ADGRL2: variants seen among roughly 807,000 people sequenced by gnomAD.
The protein encoded by ADGRL2 is calcium-independent alpha-latrotoxin receptor 2.
Under a neutral mutation model 157.4 loss-of-function variants are expected in ADGRL2, and 44 were observed. The ratio of observed to expected loss-of-function variants is 0.28; its 90% CI spans 0.22 to 0.36. The LOEUF is 0.36. Among genes scored for constraint, ADGRL2 ranks in the 10% least tolerant of loss-of-function variants. ADGRL2 has a pLI of 1.00. For missense variants in ADGRL2, 1,510 were observed against 1,768.9 expected, an observed-to-expected ratio of 0.85 and a Z score of 2.63; for synonymous variants, 585 against 624.7, an observed-to-expected ratio of 0.94 and a Z score of 0.95.
chr1:81,719,885 T>C (rs2084240895), intron 1 of ADGRL2, among the ~76,000 whole-genome samples: 2 of 152,158 alleles, frequency 1.3e-5, no homozygotes, highest in Admixed American at 6.5e-5. Flanking sequence ...CTCTACCTGG[T>C]AGTCTATTTT....
intron 2 of ADGRL2, among the ~76,000 whole-genome samples, chr1:81,848,356 G>A (rs575621688): frequency 2.6e-5 from 4 of 151,796 alleles, no homozygotes; most frequent in Non-Finnish European, 5.9e-5. Flanking sequence ...TTGAATCACA[G>A]CTTGGATATT....
chr1:81,793,742 A>G (rs1007216211), intron 2 of ADGRL2, among the ~76,000 whole-genome samples: 4 of 152,076 alleles, frequency 2.6e-5, no homozygotes, highest in African/African-American at 7.2e-5. Context: ...TCAAATCTAC[A>G]CCTGCATAAA....
intron 1 of ADGRL2, among the ~76,000 whole-genome samples, chr1:81,835,766 G>A (rs947018224): frequency 6.6e-6 from 1 of 152,082 alleles, no homozygotes; most frequent in South Asian, 2.1e-4. Flanking sequence ...CTGGGTCATA[G>A]AGGGATCCTT....
chr1:81,316,565 C>A (rs1344162317), intron 1 of ADGRL2, among the ~76,000 whole-genome samples: 1 of 152,142 alleles, frequency 6.6e-6, no homozygotes, highest in Non-Finnish European at 1.5e-5. Context: ...CTTCACTAAA[C>A]AGATGTTCCC....
chr1:81,690,999 C>G (rs1413815319), intron 3 of ADGRL2, among the ~76,000 whole-genome samples: 1 of 152,174 alleles, frequency 6.6e-6, no homozygotes, highest in Non-Finnish European at 1.5e-5. Context: ...AAGTTCCAAT[C>G]AGCAGCAGGG....
intron 3 of ADGRL2, among the ~76,000 whole-genome samples, chr1:81,923,168 A>C (rs2095028385): frequency 6.6e-6 from 1 of 152,174 alleles, no homozygotes; most frequent in African/African-American, 2.4e-5. Context: ...CACTTATTTC[A>C]ATAGAAAAGG....
intron 1 of ADGRL2, among the ~76,000 whole-genome samples, chr1:81,425,117 G>A (rs899934859): frequency 2.6e-5 from 4 of 152,174 alleles, no homozygotes; most frequent in African/African-American, 7.2e-5. Flanking sequence ...ATAAAAGAAT[G>A]AGAGAGAGAC....
intron 2 of ADGRL2, among the ~76,000 whole-genome samples, chr1:81,879,512 AT>A (rs66516150): frequency 0.49 from 70,914 of 146,010 alleles, 17,657 homozygotes; most frequent in East Asian, 0.87. Flanking sequence ...TTAACCCAGA[AT>A]TTAAAAAAAA....
intron 2 of ADGRL2, among the ~76,000 whole-genome samples, chr1:81,548,465 A>G (rs576355030): frequency 7.2e-5 from 11 of 152,034 alleles, no homozygotes; most frequent in South Asian, 4.2e-4. Flanking sequence ...AGCAAGTAGA[A>G]TAGTGAGTTA....
chr1:81,888,150 C>A (rs1279869160), intron 2 of ADGRL2, among the ~76,000 whole-genome samples: 1 of 152,112 alleles, frequency 6.6e-6, no homozygotes, highest in Non-Finnish European at 1.5e-5. Context: ...GAGAAAAATT[C>A]AAGGTATGGA....
intron 2 of ADGRL2, among the ~76,000 whole-genome samples, chr1:81,461,785 G>A (rs1429441698): frequency 6.6e-6 from 1 of 152,120 alleles, no homozygotes; most frequent in African/African-American, 2.4e-5. Flanking sequence ...AGGCCAAAAA[G>A]CAGAGTGGGG....
chr1:81,561,396 T>C (rs908107323), intron 2 of ADGRL2, among the ~76,000 whole-genome samples: 1 of 151,576 alleles, frequency 6.6e-6, no homozygotes, highest in East Asian at 2.0e-4. Flanking sequence ...TTTCTCTCGC[T>C]ATAATTTTTT....
chr1:81,955,768 A>C (rs914517709), intron 10 of ADGRL2, 109 bp from the exon 11 acceptor site: 37 of 661,054 alleles, frequency 5.6e-5, no homozygotes, highest in Non-Finnish European at 5.2e-5. Context: ...TTGAAGTAAG[A>C]GTAAATCATC....
chr1:81,768,939 G>C (rs774165667), intron 2 of ADGRL2, among the ~76,000 whole-genome samples: 21 of 152,072 alleles, frequency 1.4e-4, no homozygotes, highest in Non-Finnish European at 2.8e-4. Flanking sequence ...ACAAAAATTA[G>C]CCGGGCGCAC....
chr1:81,919,167 T>G (rs1463286707), intron 3 of ADGRL2, among the ~76,000 whole-genome samples: 3 of 152,126 alleles, frequency 2.0e-5, no homozygotes, highest in Admixed American at 6.6e-5. Context: ...GAAGAGAGAC[T>G]GAAAGATTAA....
chr1:81,712,755 A>ATTT (rs60265943), intron 1 of ADGRL2, among the ~76,000 whole-genome samples: 122 of 100,234 alleles, frequency 1.2e-3, no homozygotes, highest in African/African-American at 2.5e-3. Flanking sequence ...TGGATCGCGG[A>ATTT]TTTTTTTTTT....
intron 22 of ADGRL2, 40 bp downstream of exon 22, chr1:81,987,069 C>A: frequency 6.3e-7 from 1 of 1,598,760 alleles, no homozygotes; most frequent in South Asian, 1.1e-5. Context: ...TTCTTTGCTG[C>A]TAAACAGAGC....
chr1:81,866,963 G>C (rs2093559427), intron 2 of ADGRL2, among the ~76,000 whole-genome samples: 1 of 152,050 alleles, frequency 6.6e-6, no homozygotes, highest in African/African-American at 2.4e-5. Flanking sequence ...GCAAGGGTGA[G>C]CTCAAAGCAC....
intron 6 of ADGRL2, among the ~76,000 whole-genome samples, chr1:81,947,304 C>T (rs902081024): frequency 6.6e-6 from 1 of 151,986 alleles, no homozygotes; most frequent in African/African-American, 2.4e-5. Context: ...GCTTTCTTTC[C>T]AAATTGTTAT....
Sources: allele counts gnomAD v4.1 joint callset (sites outside exome capture counted in the v4.1 genomes callset), GRCh38; gene constraint gnomAD v4.1.1; transcripts MANE v1.5; gene names NCBI Gene and HGNC (gene_info 2026-07-23, HGNC 2026-07-21).